The following ZC2HC1B variants were observed in gnomAD, a reference collection of about 807,000 sequenced individuals.
ZC2HC1B encodes the protein zinc finger C2HC domain-containing protein 1B.
ZC2HC1B carries 36 observed loss-of-function variants against 31.0 expected under a neutral mutation model. That is an observed-to-expected ratio of 1.16 (90% CI 0.89 to 1.54). The LOEUF (loss-of-function observed/expected upper bound fraction) is 1.54. ZC2HC1B is among the 40% of genes most tolerant of loss of function. ZC2HC1B has a pLI of 0.00. For missense variants in ZC2HC1B, 260 were observed against 268.6 expected (o/e 0.97, Z 0.22); for synonymous variants, 73 against 88.0 (o/e 0.83, Z 0.95).
In ZC2HC1B at chr6:143,917,040, A is replaced by T. The variant is rs2128496540; in HGVS notation, c.598+13888A>T. On this transcript the variant is annotated intron_variant, in intron 6 of 7. Transcript: ENST00000237275. The surrounding 1 kb of genome is among the most constrained non-coding windows in gnomAD (Gnocchi z 4.1). ...TTGGCTCTGTCCCTACCCAAATATC[A>T]TCTTGAATTCCCATGTGTTTTTGGA... Among the ~76,000 whole-genome samples, 1 of 152,326 alleles carries T rather than the reference A, an allele frequency of 6.6e-6. No individual in the cohort carries two copies. The highest frequency in any genetic ancestry group is 1.5e-5 in the Non-Finnish European group (1 of 68,020).
chr6:143,881,864 T>C (rs529085892), intron 1 of ZC2HC1B: 8 of 152,300 alleles, frequency 5.3e-5, no homozygotes, highest in African/African-American at 1.9e-4. Flanking sequence ...TATCCAAGTA[T>C]TGAATTGAAT....
rs558077433 is a variant in ZC2HC1B, at chr6:143,911,716, C to A, written c.598+8564C>A. On this transcript the variant is annotated intron_variant, in intron 6 of 7. Coordinates refer to ENST00000237275, the MANE Select transcript of ZC2HC1B (RefSeq NM_001013623.3). This position sits in a 1 kb window ranked among gnomAD's most constrained non-coding sequence, Gnocchi z 4.5. ...CCCTTAACCATTTTTTCTTTCATTTCAATCTTGAAGAATCTGATTATTATG... is the reference window on the plus strand; with the variant it reads ...CCCTTAACCATTTTTTCTTTCATTTAAATCTTGAAGAATCTGATTATTATG... 6.6e-6 allele frequency among the ~76,000 whole-genome samples: 1 copy of A among 152,190 alleles called. No individual in the cohort carries two copies. The highest frequency in any genetic ancestry group is 1.9e-4 in the East Asian group (1 of 5,178).
chr6:143,915,720 G>A lies in ZC2HC1B; in HGVS notation c.598+12568G>A, dbSNP rs964605224. Among the ~76,000 whole-genome samples the A allele has an allele frequency of 3.3e-5, 5 of 152,278 alleles. No homozygotes were observed. The highest frequency in any genetic ancestry group is 1.2e-4 in the African/African-American group (5 of 41,552). Reference sequence around the variant, plus strand: ...GTTATGTTTTAGCAAAGAGACTGGTGGCATTTTGCCCCTGCCATAGAGATG... The same window carrying A: ...GTTATGTTTTAGCAAAGAGACTGGTAGCATTTTGCCCCTGCCATAGAGATG... On this transcript the variant is annotated intron_variant, in intron 6 of 7. Transcript: ENST00000237275. The surrounding 1 kb of genome is among the most constrained non-coding windows in gnomAD (Gnocchi z 5.2).
Position 143,911,088 on chromosome 6 carries a change from G to A in ZC2HC1B, c.598+7936G>A, listed in dbSNP as rs1777850170. Among the ~76,000 whole-genome samples the A allele has an allele frequency of 6.6e-6, 1 of 152,138 alleles. No individual in the cohort carries two copies. The highest frequency in any genetic ancestry group is 1.5e-5 in the Non-Finnish European group (1 of 68,014). On this transcript the variant is annotated intron_variant, in intron 6 of 7. Transcript: ENST00000237275. The surrounding 1 kb of genome is among the most constrained non-coding windows in gnomAD (Gnocchi z 4.5). ...TTAAAGCCTGTTTTGTCAGAAACTA[G>A]GATTGCAACCCCTGCTTTTTTCAAT...
At chr6:143,897,027 A>G (rs1777673767) in intron 4 of ZC2HC1B, among the ~76,000 whole-genome samples, 1 of 152,178 alleles carries the variant, frequency 6.6e-6, no homozygotes, top group African/African-American at 2.4e-5. Context: ...GGAGTAAGAA[A>G]TAAAGGATAA....
In ZC2HC1B at chr6:143,868,274, A is replaced by G. The variant is rs1370919569; in HGVS notation, c.28+3707A>G. ...TGGAACTAATAGGCTAGATCTGTATATAAAGGGGAATTTATTAAGTATTAA... is the reference window on the plus strand; with the variant it reads ...TGGAACTAATAGGCTAGATCTGTATGTAAAGGGGAATTTATTAAGTATTAA... On this transcript the variant is annotated intron_variant, in intron 1 of 7. Coordinates refer to ENST00000237275, the MANE Select transcript of ZC2HC1B (RefSeq NM_001013623.3). This position sits in a 1 kb window ranked among gnomAD's most constrained non-coding sequence, Gnocchi z 4.2. Among the ~76,000 whole-genome samples, 1 of 152,200 alleles carries G rather than the reference A, an allele frequency of 6.6e-6. No homozygotes were observed. The highest frequency in any genetic ancestry group is 1.5e-5 in the Non-Finnish European group (1 of 68,048).
chr6:143,937,599 T>C, intron 6 of ZC2HC1B, 50 bp from the exon 7 acceptor site: 2 of 1,461,670 alleles, frequency 1.4e-6, no homozygotes, highest in Non-Finnish European at 1.8e-6. Context: ...CTTTTTTTCT[T>C]GGTAATGTTC....
intron 1 of ZC2HC1B, among the ~76,000 whole-genome samples, chr6:143,877,716 G>GA (rs1259757304): frequency 6.7e-6 from 1 of 150,244 alleles, no homozygotes; most frequent in Non-Finnish European, 1.5e-5. Context: ...ACTGGAAGAG[G>GA]AAAAAAATGG....
rs182472282 is a variant in ZC2HC1B, at chr6:143,927,111, C to T, written c.599-10538C>T. On this transcript the variant is annotated intron_variant, in intron 6 of 7. Transcript: ENST00000237275. ...CCGCGCCCGGCCCGAATTGTATCTT[C>T]TTACCGAACGAATCCCTTTATCATT... Among the ~76,000 whole-genome samples the T allele has an allele frequency of 2.8e-3, 419 of 151,956 alleles. 2 individuals carry two copies. Among genetic ancestry groups the T allele is most frequent in the Non-Finnish European group, 4.6e-3 (314 of 67,940 alleles).
intron 6 of ZC2HC1B, among the ~76,000 whole-genome samples, chr6:143,929,774 A>T (rs2128497687): frequency 6.6e-6 from 1 of 152,216 alleles, no homozygotes; most frequent in South Asian, 2.1e-4. Context: ...ACTACTTATT[A>T]TTGTTCTGCT....
Position 143,899,858 on chromosome 6 carries a change from T to G in ZC2HC1B, c.489+1167T>G, listed in dbSNP as rs578112782. On this transcript the variant is annotated intron_variant, in intron 5 of 7. Transcript: ENST00000237275. The surrounding 1 kb of genome is among the most constrained non-coding windows in gnomAD (Gnocchi z 5.0). ...AGGTACTGGTTTGATCAAGAATTTG[T>G]CATTGAAAGATGGAGGGGGACTTAG... 1.4e-4 allele frequency among the ~76,000 whole-genome samples: 22 copies of G among 152,342 alleles called. No individual in the cohort carries two copies. The highest frequency in any genetic ancestry group is 5.1e-4 in the African/African-American group (21 of 41,584).
rs1778146300 is a variant in ZC2HC1B at position 143,933,518 on chromosome 6, C to G, written c.599-4131C>G. On this transcript the variant is annotated intron_variant, in intron 6 of 7. Transcript: ENST00000237275. The surrounding 1 kb of genome is among the most constrained non-coding windows in gnomAD (Gnocchi z 6.4). The stretch of plus-strand genomic sequence containing the variant: ...CTCCTTGGGTGGGGGTTGCTGTGGC[C>G]ACTGTGGGGAGATCAGGGGATGGTT... 6.6e-6 allele frequency among the ~76,000 whole-genome samples: 1 copy of G among 151,988 alleles called. No individual in the cohort carries two copies. Among genetic ancestry groups the G allele is most frequent in the African/African-American group, 2.4e-5 (1 of 41,372 alleles).
Position 143,918,742 on chromosome 6 carries a change from A to C in ZC2HC1B, c.598+15590A>C, listed in dbSNP as rs1777949485. ...CCTAAGGCTCTGTTCACCTTTCCTT[A>C]AGTTTTTCTCTTTCTGTTCCTCAGA... On this transcript the variant is annotated intron_variant, in intron 6 of 7. Transcript: ENST00000237275. This position sits in a 1 kb window ranked among gnomAD's most constrained non-coding sequence, Gnocchi z 4.1. Among the ~76,000 whole-genome samples the C allele has an allele frequency of 6.6e-6, 1 of 151,976 alleles. No homozygotes were observed. The highest frequency in any genetic ancestry group is 2.1e-4 in the South Asian group (1 of 4,810).
chr6:143,932,962 G>A (rs900937640), intron 6 of ZC2HC1B, among the ~76,000 whole-genome samples: 2 of 152,172 alleles, frequency 1.3e-5, no homozygotes, highest in Admixed American at 6.5e-5. Context: ...GGCTGGTTCT[G>A]GGGAATGTCT....
rs1484951023 is a variant in ZC2HC1B, at chr6:143,895,829, A to G, written c.350-2723A>G. On this transcript the variant is annotated intron_variant, in intron 4 of 7. Transcript: ENST00000237275. The surrounding 1 kb of genome is among the most constrained non-coding windows in gnomAD (Gnocchi z 4.8). ...CTTTTCTCTGAGATCTGGCCACCAT[A>G]TTCCTCGAAAGAATTCATTTGGACT... Among the ~76,000 whole-genome samples, 2 of 152,192 alleles carry G rather than the reference A, an allele frequency of 1.3e-5. No individual in the cohort carries two copies. The highest frequency in any genetic ancestry group is 2.9e-5 in the Non-Finnish European group (2 of 68,036).
At position 143,933,089 on chromosome 6, in the gene ZC2HC1B, A is replaced by G. The variant is rs1450115649; in HGVS notation, c.599-4560A>G. On this transcript the variant is annotated intron_variant, in intron 6 of 7. Transcript: ENST00000237275. This position sits in a 1 kb window ranked among gnomAD's most constrained non-coding sequence, Gnocchi z 6.4. ...TCTGTGAGAGTCCTTGGTTGTAAAT[A>G]TGTTTACTGTGTTGTCTTTCTTGAA... Among the ~76,000 whole-genome samples the G allele has an allele frequency of 6.6e-6, 1 of 152,152 alleles. No individual in the cohort carries two copies. Among genetic ancestry groups the G allele is most frequent in the Non-Finnish European group, 1.5e-5 (1 of 68,022 alleles).
Position 143,869,657 on chromosome 6 carries a change from T to C in ZC2HC1B, c.28+5090T>C, listed in dbSNP as rs1396128760. 6.6e-6 allele frequency among the ~76,000 whole-genome samples: 1 copy of C among 152,212 alleles called. No individual in the cohort carries two copies. The highest frequency in any genetic ancestry group is 1.5e-5 in the Non-Finnish European group (1 of 68,030). ...GGAGAAACCTCTGCCTTTTCCATGA[T>C]GGAAGAGGTTCAATGTAATCAACCT... On this transcript the variant is annotated intron_variant, in intron 1 of 7. Coordinates refer to ENST00000237275, the MANE Select transcript of ZC2HC1B (RefSeq NM_001013623.3). The surrounding 1 kb of genome is among the most constrained non-coding windows in gnomAD (Gnocchi z 5.2).
Position 143,868,822 on chromosome 6 carries a change from A to G in ZC2HC1B, c.28+4255A>G, listed in dbSNP as rs933509911. On this transcript the variant is annotated intron_variant, in intron 1 of 7. Transcript: ENST00000237275. This position sits in a 1 kb window ranked among gnomAD's most constrained non-coding sequence, Gnocchi z 4.2. ...TGCACCAATCCCCAACCCAAATACT[A>G]TTACATAAAGTTAACAATTCTTAAA... Among the ~76,000 whole-genome samples, 48 of 152,232 alleles carry G rather than the reference A, an allele frequency of 3.2e-4. 1 individual carries two copies. The highest frequency in any genetic ancestry group is 1.8e-3 in the Admixed American group (28 of 15,286).
chr6:143,873,103 T>G (rs1336927518), intron 1 of ZC2HC1B, among the ~76,000 whole-genome samples: 1 of 152,070 alleles, frequency 6.6e-6, no homozygotes. Context: ...CTAGATAAAA[T>G]GAGGGTGCAG....
Sources: gnomAD v4.1 joint callset for allele counts (sites outside exome capture counted in the v4.1 genomes callset) on GRCh38, gnomAD v4.1.1 for gene constraint, Gnocchi (gnomAD v3.1) non-coding constraint, MANE v1.5 for transcripts, NCBI Gene and HGNC (gene_info 2026-07-23, HGNC 2026-07-21) for gene names.